The following PTCH1 variants were observed in gnomAD, a reference collection of about 807,000 sequenced individuals.
PTCH1 encodes protein patched homolog 1.
PTCH1 carries 14 observed loss-of-function variants against 144.6 expected under a neutral mutation model. The observed-to-expected ratio is 0.10, with a 90% confidence interval of 0.06 to 0.15. The LOEUF is 0.15. Ranked by LOEUF, PTCH1 falls within the 10% of genes least tolerant of loss-of-function variation. The pLI is 1.00. For missense variants in PTCH1, 1,623 were observed against 1,948.3 expected (o/e 0.83, Z 3.14); for synonymous variants, 833 against 793.6 (o/e 1.05, Z -0.83).
chr9:95,478,047 A>G lies in PTCH1; in HGVS notation c.1347+8T>C, dbSNP rs1841213078. ...TCCAGCCCCCAGGAGCATGGCATCGAGCGTTACCATGAGTAAGTAGCCGCT... is the reference window on the plus strand; with the variant it reads ...TCCAGCCCCCAGGAGCATGGCATCGGGCGTTACCATGAGTAAGTAGCCGCT... On this transcript the variant is annotated splice_region_variant and intron_variant, in intron 9 of 23. Transcript: ENST00000331920. 6.2e-7 allele frequency: 1 copy of G among 1,614,172 alleles called. No homozygotes were observed. The highest frequency in any genetic ancestry group is 8.5e-7 in the Non-Finnish European group (1 of 1,180,016).
chr9:95,470,355 C>T (rs1056292603), intron 12 of PTCH1, among the ~76,000 whole-genome samples: 1 of 152,136 alleles, frequency 6.6e-6, no homozygotes, highest in Non-Finnish European at 1.5e-5. Context: ...TAAAGTGGAT[C>T]GAGTATATCA....
At chr9:95,462,066 G>A (rs2136691347) in intron 15 of PTCH1, 68 bp from the exon 16 acceptor site, 1 of 1,589,004 alleles carries the variant, frequency 6.3e-7, no homozygotes, top group Non-Finnish European at 8.6e-7. Context: ...CTAGCGGGGT[G>A]GGCTGAGGAG....
rs748023135 is a variant in PTCH1 at position 95,453,507 on chromosome 9, C to A, written c.3420G>T (p.Leu1140=). The A allele has an allele frequency of 6.2e-7, 1 of 1,614,168 alleles. No individual in the cohort carries two copies. The change falls in exon 20 of 24, where the codon CTG becomes CTT. Residue 1140 remains leucine, a synonymous_variant. Coordinates refer to ENST00000331920, the MANE Select transcript of PTCH1 (RefSeq NM_000264.5). ...CAATGAAGTCGAACTCAGATCCCGC[C>A]AGCATCAGCACTCCCAGCAGAGTGG... The part of the protein sequence containing the change: ...AVSTLLGVLM[L]AGSEFDFIVR...
At position 95,508,933 on chromosome 9, in the gene PTCH1, C is replaced by T. The variant is rs2118916943; in HGVS notation, c.-572G>A. ...CGGCGGGTCTCAGCGCTGCCGGGCCCGGGCAGCCGCAGCTGCCGCTGCTCC... is the reference window on the plus strand; with the variant it reads ...CGGCGGGTCTCAGCGCTGCCGGGCCTGGGCAGCCGCAGCTGCCGCTGCTCC... On this transcript the variant is annotated 5_prime_UTR_variant, in exon 1 of 24. Coordinates refer to ENST00000331920, the MANE Select transcript of PTCH1 (RefSeq NM_000264.5). 6.6e-6 allele frequency among the ~76,000 whole-genome samples: 1 copy of T among 150,746 alleles called. No individual in the cohort carries two copies. The highest frequency in any genetic ancestry group is 2.4e-5 in the African/African-American group (1 of 41,234).
chr9:95,481,102 C>T (rs1156992306), intron 5 of PTCH1, among the ~76,000 whole-genome samples: 1 of 152,214 alleles, frequency 6.6e-6, no homozygotes, highest in Non-Finnish European at 1.5e-5. Context: ...ACCACCATCA[C>T]AGCCACTTCC....
chr9:95,476,205 C>T lies in PTCH1; in HGVS notation c.1603-46G>A. ...CGCTGAGAGCTGCACTGGACATGGT[C>T]CCCTTGGAGCACAGACTGTGTGAGC... is the stretch of plus-strand genomic sequence containing the variant. On this transcript the variant is annotated intron_variant, in intron 11 of 23. Coordinates refer to ENST00000331920, the MANE Select transcript of PTCH1 (RefSeq NM_000264.5). The surrounding 1 kb of genome is among the most constrained non-coding windows in gnomAD (Gnocchi z 4.6). 2 of 1,592,556 alleles carry T rather than the reference C, an allele frequency of 1.3e-6. No homozygotes were observed. The highest frequency in any genetic ancestry group is 1.7e-6 in the Non-Finnish European group (2 of 1,171,604).
intron 20 of PTCH1, chr9:95,452,780 T>G (rs1838577581): frequency 6.5e-6 from 1 of 153,392 alleles, no homozygotes; most frequent in African/African-American, 2.4e-5. Flanking sequence ...AAGAATAAAG[T>G]CAGGTGACAA....
Position 95,476,670 on chromosome 9 carries a change from G to T in PTCH1, c.1602+89C>A. The T allele has an allele frequency of 2.3e-6, 3 of 1,284,072 alleles. No individual in the cohort carries two copies. The highest frequency in any genetic ancestry group is 3.3e-6 in the Non-Finnish European group (3 of 902,154). 79.5% of individuals were successfully genotyped at this position (1,284,072 alleles called of 1,614,324 possible). A position where few individuals can be genotyped will look rare whatever the true frequency, so the allele number is the denominator to read the frequency against. On this transcript the variant is annotated intron_variant, in intron 11 of 23. Coordinates refer to ENST00000331920, the MANE Select transcript of PTCH1 (RefSeq NM_000264.5). The surrounding 1 kb of genome is among the most constrained non-coding windows in gnomAD (Gnocchi z 4.6). The stretch of plus-strand genomic sequence containing the variant: ...GACATGGGACTGAAATCTTTACTGG[G>T]TCAGACTGAGGAAAATTAAAGGACA...
Position 95,469,083 on chromosome 9 carries a change from T to C in PTCH1, c.1918A>G (p.Ser640Gly), listed in dbSNP as rs1840315398. 2 of 1,613,954 alleles carry C rather than the reference T, an allele frequency of 1.2e-6. No individual in the cohort carries two copies. The highest frequency in any genetic ancestry group is 1.7e-6 in the Non-Finnish European group (2 of 1,179,986). ...TGGCTGCTGTAGGGAGGTGGGGGGCTGTAGCGGGTATTGTCGTGTGTGTCG... is the reference window on the plus strand; with the variant it reads ...TGGCTGCTGTAGGGAGGTGGGGGGCCGTAGCGGGTATTGTCGTGTGTGTCG... Reference protein sequence around the residue: ...YTDTHDNTRYSPPPPYSSHSF... With the variant: ...YTDTHDNTRYGPPPPYSSHSF... Residue 640 changes from serine (S) to glycine (G), a missense_variant, in exon 14 of 24, where the codon AGC becomes GGC. By Grantham distance (56) the Ser-to-Gly change is moderately conservative. Coordinates refer to ENST00000331920, the MANE Select transcript of PTCH1 (RefSeq NM_000264.5).
intron 5 of PTCH1, among the ~76,000 whole-genome samples, chr9:95,481,618 T>C (rs1795552446): frequency 6.6e-6 from 1 of 152,198 alleles, no homozygotes; most frequent in Admixed American, 6.5e-5. Flanking sequence ...AAAAAATAAG[T>C]GTCTAAATGC....
intron 19 of PTCH1, among the ~76,000 whole-genome samples, chr9:95,455,872 T>C (rs1838872556): frequency 6.6e-6 from 1 of 152,194 alleles, no homozygotes. Context: ...TCTCATTTTA[T>C]CCCCACTGTT....
intron 15 of PTCH1, among the ~76,000 whole-genome samples, chr9:95,463,348 C>G (rs978842711): frequency 6.6e-6 from 1 of 151,592 alleles, no homozygotes; most frequent in Non-Finnish European, 1.5e-5. Context: ...TGAAAGGAGT[C>G]TGTGTCAGGG....
At chr9:95,487,824 A>G (rs144199803) in intron 2 of PTCH1, among the ~76,000 whole-genome samples, 72 of 152,334 alleles carry the variant, frequency 4.7e-4, no homozygotes, top group Middle Eastern at 6.8e-3. Flanking sequence ...GAAGCTTAAC[A>G]TATCAGGTGA....
chr9:95,456,484 C>T, intron 18 of PTCH1, 71 bp from the exon 19 acceptor site: 1 of 1,579,344 alleles, frequency 6.3e-7, no homozygotes, highest in East Asian at 2.3e-5. Context: ...GGGAGGTCGC[C>T]AGAGGGCTAA....
At chr9:95,467,882 C>T (rs944632136) in intron 14 of PTCH1, among the ~76,000 whole-genome samples, 1 of 152,130 alleles carries the variant, frequency 6.6e-6, no homozygotes, top group African/African-American at 2.4e-5. Flanking sequence ...GCTGGGATTA[C>T]AGGCGTGAGC....
intron 2 of PTCH1, among the ~76,000 whole-genome samples, chr9:95,494,655 A>T (rs1316397203): frequency 1.3e-5 from 2 of 152,216 alleles, no homozygotes; most frequent in Admixed American, 6.5e-5. Flanking sequence ...CAGAGGTGTG[A>T]TGACGAGCGC....
At chr9:95,473,947 G>C in intron 12 of PTCH1, 1 of 410,576 alleles carries the variant, frequency 2.4e-6, no homozygotes, top group Non-Finnish European at 4.9e-6. Flanking sequence ...CAGTGATACT[G>C]TGGTGCTTTG....
At chr9:95,480,314 T>A in intron 6 of PTCH1, 76 bp downstream of exon 6, 1 of 1,565,764 alleles carries the variant, frequency 6.4e-7, no homozygotes, top group East Asian at 2.2e-5. Flanking sequence ...ATGAAAATAA[T>A]AAAGTGAACG....
In PTCH1 at chr9:95,469,128, C is replaced by T. The variant is rs2118060058; in HGVS notation, c.1873G>A (p.Val625Ile). 1.2e-6 allele frequency: 2 copies of T among 1,614,028 alleles called. No homozygotes were observed. Among genetic ancestry groups the T allele is most frequent in the Non-Finnish European group, 1.7e-6 (2 of 1,180,010 alleles). The change falls in exon 14 of 24, where the codon GTT (valine) becomes ATT (isoleucine). Residue 625 changes from valine to isoleucine, a missense_variant. Val to Ile is a conservative substitution (Grantham distance 29). Transcript: ENST00000331920. ...TSPCVSRVIQ[V>I]EPQAYTDTHD... is the part of the protein sequence containing the mutation. ...GTGTCGGTGTAGGCCTGAGGTTCAA[C>T]CTGAATCACTCTGCTGACGCAGGGG...
Sources: allele counts gnomAD v4.1 joint callset (sites outside exome capture counted in the v4.1 genomes callset), GRCh38; gene constraint gnomAD v4.1.1; non-coding constraint Gnocchi (gnomAD v3.1); transcripts MANE v1.5; gene names NCBI Gene and HGNC (gene_info 2026-07-23, HGNC 2026-07-21).